Variants in TAF4B observed in about 807,000 individuals in gnomAD.
TAF4B encodes transcription initiation factor TFIID subunit 4B.
In TAF4B, 38 loss-of-function variants were observed where a neutral mutation model predicts 86.4. The ratio of observed to expected loss-of-function variants is 0.44; its 90% CI spans 0.34 to 0.58. TAF4B has a LOEUF of 0.58. TAF4B is among the 20% of genes least tolerant of loss of function. TAF4B has a pLI of 0.02. For synonymous variants in TAF4B, 388 were observed against 391.2 expected (o/e 0.99, Z 0.10); for missense variants, 988 against 1,027.6 (o/e 0.96, Z 0.53).
intron 14 of TAF4B, among the ~76,000 whole-genome samples, chr18:26,368,894 T>G (rs1482281068): frequency 6.6e-6 from 1 of 152,186 alleles, no homozygotes; most frequent in Non-Finnish European, 1.5e-5. Context: ...AAGTTGCATA[T>G]TATTGGCTTA....
chr18:26,381,709 G>A (rs1194219596), intron 14 of TAF4B, among the ~76,000 whole-genome samples: 1 of 150,596 alleles, frequency 6.6e-6, no homozygotes, highest in Non-Finnish European at 1.5e-5. Context: ...CCTGGGCAAT[G>A]AGCGAAACTC....
intron 13 of TAF4B, among the ~76,000 whole-genome samples, chr18:26,339,459 G>A (rs1009425283): frequency 6.6e-6 from 1 of 152,064 alleles, no homozygotes; most frequent in African/African-American, 2.4e-5. Context: ...CCAAGTGGTT[G>A]GGACCACAGG....
chr18:26,323,415 C>T (rs1415892516), intron 11 of TAF4B, among the ~76,000 whole-genome samples: 1 of 152,076 alleles, frequency 6.6e-6, no homozygotes, highest in African/African-American at 2.4e-5. Flanking sequence ...AATCATAGCT[C>T]ATTGCAACCT....
chr18:26,267,514 A>G lies in TAF4B; in HGVS notation c.490-2A>G. Reference sequence around the variant, plus strand: ...GTTATCTTGCTCCCCTCCACCGCCAAGAACTCTAGCTCACAATTAATCAAG... The same window carrying G: ...GTTATCTTGCTCCCCTCCACCGCCAGGAACTCTAGCTCACAATTAATCAAG... On this transcript the variant is annotated splice_acceptor_variant, in intron 2 of 14. Transcript: ENST00000269142. LOFTEE classifies it high-confidence loss of function. 1 of 1,612,734 alleles carries G rather than the reference A, an allele frequency of 6.2e-7. No individual in the cohort carries two copies. The highest frequency in any genetic ancestry group is 2.2e-5 in the East Asian group (1 of 44,868).
Position 26,357,722 on chromosome 18 carries a change from T to A in TAF4B, c.2349T>A (p.His783Gln), listed in dbSNP as rs776907751. Reference sequence around the variant, plus strand: ...AATTGGAACTTGCACAGATACAGCATAGAGACGCTAATCTCACAGCTCTTG... The same window carrying A: ...AATTGGAACTTGCACAGATACAGCAAAGAGACGCTAATCTCACAGCTCTTG... ...LQQLELAQIQ[H>Q]RDANLTALAA... Residue 783 changes from histidine (H) to glutamine (Q), a missense_variant, in exon 14 of 15, where the codon CAT becomes CAA. This residue lies in a region of TAF4B where 216 missense variants were observed against 238.4 expected (regional missense o/e 0.91). Coordinates refer to ENST00000269142, the MANE Select transcript of TAF4B (RefSeq NM_005640.3). The A allele has an allele frequency of 5.6e-6, 9 of 1,613,044 alleles. No homozygotes were observed. Among genetic ancestry groups the A allele is most frequent in the Non-Finnish European group, 7.6e-6 (9 of 1,179,486 alleles).
chr18:26,374,851 A>G (rs931061891), intron 14 of TAF4B, among the ~76,000 whole-genome samples: 2 of 152,220 alleles, frequency 1.3e-5, no homozygotes, highest in African/African-American at 4.8e-5. Flanking sequence ...GGAAAAGTAA[A>G]CATAAGTTGA....
At chr18:26,253,736 A>G (rs971447502) in intron 1 of TAF4B, among the ~76,000 whole-genome samples, 2 of 152,134 alleles carry the variant, frequency 1.3e-5, no homozygotes, top group Non-Finnish European at 2.9e-5. Context: ...TTGATTCAAT[A>G]TCTTCATTTC....
chr18:26,226,873 G>A lies in TAF4B; in HGVS notation c.-61G>A. 7.8e-7 allele frequency: 1 copy of A among 1,280,208 alleles called. No individual in the cohort carries two copies. The highest frequency in any genetic ancestry group is 1.0e-6 in the Non-Finnish European group (1 of 1,003,994). The allele number at this position is 1,280,208 out of a possible 1,614,324, so 79.3% of individuals were successfully genotyped here. A position where few individuals can be genotyped will look rare whatever the true frequency, so the allele number is the denominator to read the frequency against. ...ACCGGAGTCGGCTGCCGCGCGCCAA[G>A]CCTCCCCTCACCTCTGCTCCCGGAA... On this transcript the variant is annotated 5_prime_UTR_variant, in exon 1 of 15. Coordinates refer to ENST00000269142, the MANE Select transcript of TAF4B (RefSeq NM_005640.3).
intron 9 of TAF4B, among the ~76,000 whole-genome samples, chr18:26,310,010 A>C (rs767126125): frequency 6.6e-6 from 1 of 151,906 alleles, no homozygotes; most frequent in African/African-American, 2.4e-5. Flanking sequence ...TTTAGTAGAG[A>C]TGGGGTTTCA....
intron 5 of TAF4B, among the ~76,000 whole-genome samples, chr18:26,277,562 G>T (rs1568122510): frequency 1.3e-5 from 2 of 152,110 alleles, no homozygotes; most frequent in Admixed American, 6.5e-5. Context: ...CATATCTTCT[G>T]CATTTAATCT....
chr18:26,265,120 T>C lies in TAF4B; in HGVS notation c.344-50T>C, dbSNP rs199623733. 461 of 1,560,240 alleles carry C rather than the reference T, an allele frequency of 3.0e-4. 1 individual carries two copies. In the African/African-American group the frequency reaches 5.7e-3, roughly 19 times the overall value. ...GGGAGAAGAAAATATGTGATGGTTA[T>C]GCTGTATTTAGTGGCTCAGAGGTCA... On this transcript the variant is annotated intron_variant, in intron 1 of 14. Coordinates refer to ENST00000269142, the MANE Select transcript of TAF4B (RefSeq NM_005640.3).
rs1359799681 is a variant in TAF4B at position 26,385,693 on chromosome 18, T to TTG, written c.2422-4151_2422-4150insGT. Among the ~76,000 whole-genome samples the TTG allele has an allele frequency of 8.0e-4, 112 of 140,846 alleles. 2 individuals are homozygous for TTG. The highest frequency in any genetic ancestry group is 4.1e-3 in the South Asian group (19 of 4,594). 92.4% of individuals were successfully genotyped at this position (140,846 alleles called of 152,430 possible). ...GAATAAACAGCGTTTTTTTTTTTTT[T>TTG]TCTTCTTCTTCTTCTTCTTCTTGCA... On this transcript the variant is annotated intron_variant, in intron 14 of 14. Coordinates refer to ENST00000269142, the MANE Select transcript of TAF4B (RefSeq NM_005640.3).
At chr18:26,370,451 A>G (rs1791778) in intron 14 of TAF4B, among the ~76,000 whole-genome samples, 54,320 of 152,050 alleles carry the variant, frequency 0.36, 11,765 homozygotes, top group East Asian at 0.8. Context: ...CTATTGAACC[A>G]CCCTTGCCAG....
chr18:26,326,006 A>G (rs1217114536), intron 11 of TAF4B, among the ~76,000 whole-genome samples: 1 of 152,208 alleles, frequency 6.6e-6, no homozygotes, highest in East Asian at 1.9e-4. Flanking sequence ...TAAAACAAAG[A>G]TGGGAGTGGT....
intron 1 of TAF4B, among the ~76,000 whole-genome samples, chr18:26,264,742 C>T (rs1341922275): frequency 6.6e-6 from 1 of 152,114 alleles, no homozygotes; most frequent in Non-Finnish European, 1.5e-5. Context: ...GCTAATTGAC[C>T]AGCCCCACTT....
intron 9 of TAF4B, 77 bp from the exon 10 acceptor site, chr18:26,315,152 C>CTCTCTG: frequency 3.9e-6 from 2 of 507,006 alleles, no homozygotes; most frequent in Non-Finnish European, 5.6e-6. Flanking sequence ...CTCTGTCTCT[C>CTCTCTG]TCTCTCTCTC....
In TAF4B at chr18:26,305,596, G is replaced by A. The variant is rs543191448; in HGVS notation, c.1833-9633G>A. Among the ~76,000 whole-genome samples the A allele has an allele frequency of 7.2e-5, 11 of 152,132 alleles. No individual in the cohort carries two copies. The South Asian group carries it at 1.2e-3, about 17-fold the overall frequency. On this transcript the variant is annotated intron_variant, in intron 9 of 14. Coordinates refer to ENST00000269142, the MANE Select transcript of TAF4B (RefSeq NM_005640.3). ...TTATTTTTGTATTTTTAGTAGAGACGGGGTTTCATCATGTTGGCCAGGCCA... is the reference window on the plus strand; with the variant it reads ...TTATTTTTGTATTTTTAGTAGAGACAGGGTTTCATCATGTTGGCCAGGCCA...
Position 26,263,983 on chromosome 18 carries a change from G to T in TAF4B, c.344-1187G>T, listed in dbSNP as rs185692661. ...ATGTGTGTGAAATAGGCATCTGAAA[G>T]GTCTACCCAAAAGAAAGAAGCTGAG... On this transcript the variant is annotated intron_variant, in intron 1 of 14. Coordinates refer to ENST00000269142, the MANE Select transcript of TAF4B (RefSeq NM_005640.3). Among the ~76,000 whole-genome samples the T allele has an allele frequency of 7.2e-5, 11 of 152,276 alleles. No individual in the cohort carries two copies. The South Asian group carries it at 1.0e-3, about 14-fold the overall frequency.
At chr18:26,332,972 T>C (rs1186193578) in intron 12 of TAF4B, among the ~76,000 whole-genome samples, 1 of 151,874 alleles carries the variant, frequency 6.6e-6, no homozygotes, top group African/African-American at 2.4e-5. Context: ...CTCGAGTATA[T>C]TCCCATTTTA....
Sources: gnomAD v4.1 joint callset for allele counts (sites outside exome capture counted in the v4.1 genomes callset) on GRCh38, gnomAD v4.1.1 for gene constraint, gnomAD v4.1.1 regional missense constraint, MANE v1.5 for transcripts, NCBI Gene and HGNC (gene_info 2026-07-23, HGNC 2026-07-21) for gene names.